GRXCR1: variants seen among roughly 807,000 people sequenced by gnomAD.
GRXCR1 encodes the protein glutaredoxin and cysteine rich domain containing 1.
Under a neutral mutation model 27.3 loss-of-function variants are expected in GRXCR1, and 27 were observed. The observed-to-expected ratio is 0.99, with a 90% CI of 0.73 to 1.37. The LOEUF (loss-of-function observed/expected upper bound fraction) is 1.37. Among genes scored for constraint, GRXCR1 ranks in the 40% most tolerant of loss-of-function variants. GRXCR1 has a pLI of 0.00. For synonymous variants in GRXCR1, 122 were observed against 131.1 expected (o/e 0.93, Z 0.47); for missense variants, 379 against 354.4 (o/e 1.07, Z -0.56).
At chr4:42,894,400 TG>T (rs1478757709) in intron 1 of GRXCR1, among the ~76,000 whole-genome samples, 17 of 152,298 alleles carry the variant, frequency 1.1e-4, no homozygotes, top group East Asian at 3.9e-4. Context: ...TAAAGTGATT[TG>T]TTTTTTTGTT....
chr4:42,938,010 G>T (rs899010638), intron 1 of GRXCR1, among the ~76,000 whole-genome samples: 1 of 151,988 alleles, frequency 6.6e-6, no homozygotes, highest in South Asian at 2.1e-4. Flanking sequence ...TCAAAAATTA[G>T]ATCTGATTCG....
chr4:43,020,588 C>A (rs1398164983), intron 3 of GRXCR1, among the ~76,000 whole-genome samples, 169 bp downstream of exon 3: 1 of 152,130 alleles, frequency 6.6e-6, no homozygotes, highest in Non-Finnish European at 1.5e-5. Flanking sequence ...TTTGTTGCAG[C>A]TAGAGTGACT....
rs375320559 is a variant in GRXCR1 at position 42,903,371 on chromosome 4, G to T, written c.384+9721G>T. On this transcript the variant is annotated intron_variant, in intron 1 of 3. Coordinates refer to ENST00000399770, the MANE Select transcript of GRXCR1 (RefSeq NM_001080476.3). ...CTCTCACCCAGGCTGGAGTGCAGTG[G>T]CATGATCTCGGCTCACTGCAAGCTC... 2.3e-5 allele frequency among the ~76,000 whole-genome samples: 3 copies of T among 128,988 alleles called. 1 individual carries two copies. The highest frequency in any genetic ancestry group is 3.2e-5 in the Non-Finnish European group (2 of 63,476). 84.6% of individuals were successfully genotyped at this position (128,988 alleles called of 152,430 possible).
At chr4:43,004,893 A>G (rs527966467) in intron 2 of GRXCR1, among the ~76,000 whole-genome samples, 2 of 152,150 alleles carry the variant, frequency 1.3e-5, no homozygotes, top group Non-Finnish European at 2.9e-5. Flanking sequence ...TAAGACTTTG[A>G]GGGACTGTTG....
At chr4:43,011,634 T>C (rs1340122358) in intron 2 of GRXCR1, among the ~76,000 whole-genome samples, 1 of 152,178 alleles carries the variant, frequency 6.6e-6, no homozygotes. Context: ...TCTTTGGGTA[T>C]GCACTCTGTT....
chr4:42,965,672 G>T (rs916776535), intron 2 of GRXCR1, among the ~76,000 whole-genome samples: 1 of 151,970 alleles, frequency 6.6e-6, no homozygotes, highest in Non-Finnish European at 1.5e-5. Context: ...ATTTAGATGG[G>T]TGAGAAAAAT....
At chr4:42,945,502 A>G (rs1014049129) in intron 1 of GRXCR1, among the ~76,000 whole-genome samples, 1 of 151,976 alleles carries the variant, frequency 6.6e-6, no homozygotes, top group Non-Finnish European at 1.5e-5. Context: ...CATGTCTGGC[A>G]TCTTCTATAC....
At chr4:43,009,584 A>T (rs1374735789) in intron 2 of GRXCR1, among the ~76,000 whole-genome samples, 1 of 152,154 alleles carries the variant, frequency 6.6e-6, no homozygotes, top group African/African-American at 2.4e-5. Context: ...GTCCAAGATC[A>T]AGGTACTGGA....
At chr4:42,938,804 G>A (rs2109761671) in intron 1 of GRXCR1, among the ~76,000 whole-genome samples, 1 of 151,654 alleles carries the variant, frequency 6.6e-6, no homozygotes, top group East Asian at 1.9e-4. Context: ...CTGAAAATGA[G>A]CTCACTGTAG....
intron 1 of GRXCR1, among the ~76,000 whole-genome samples, chr4:42,954,027 T>C (rs979323111): frequency 6.6e-6 from 1 of 152,092 alleles, no homozygotes; most frequent in African/African-American, 2.4e-5. Flanking sequence ...TGATTAAATG[T>C]ATGGAAAAGA....
At chr4:42,896,099 G>A (rs1312106202) in intron 1 of GRXCR1, among the ~76,000 whole-genome samples, 1 of 152,002 alleles carries the variant, frequency 6.6e-6, no homozygotes, top group Admixed American at 6.6e-5. Flanking sequence ...AACCTTAAAC[G>A]TGAAAGAAAA....
At chr4:43,008,376 G>T (rs993451002) in intron 2 of GRXCR1, among the ~76,000 whole-genome samples, 2 of 152,124 alleles carry the variant, frequency 1.3e-5, no homozygotes, top group African/African-American at 4.8e-5. Flanking sequence ...TTCATGAGAA[G>T]GGAAATAGGA....
Position 43,020,379 on chromosome 4 carries a change from A to G in GRXCR1, c.653A>G (p.Asn218Ser), listed in dbSNP as rs764299157. Residue 218 changes from asparagine (N) to serine (S), a missense_variant, in exon 3 of 4, where the codon AAT (asparagine) becomes AGT (serine). By Grantham distance (46) the Asn-to-Ser change is conservative. Transcript: ENST00000399770. ...LGGAEKILSM[N>S]ESGELQDILT... ...GGTGCTGAGAAAATTTTGTCAATGA[A>G]TGAATCAGGAGAACTGCAAGACATC... 7 of 1,612,262 alleles carry G rather than the reference A, an allele frequency of 4.3e-6. No individual in the cohort carries two copies. In the South Asian group the frequency reaches 6.6e-5, roughly 15 times the overall value.
intron 3 of GRXCR1, among the ~76,000 whole-genome samples, chr4:43,024,197 CTTTTTTTT>C (rs60704333): frequency 1.1e-5 from 1 of 94,264 alleles, no homozygotes; most frequent in Non-Finnish European, 2.0e-5. Flanking sequence ...ATTTTCTGTC[CTTTTTTTT>C]TTTTTTTTGG....
intron 1 of GRXCR1, among the ~76,000 whole-genome samples, chr4:42,961,059 T>C (rs1410260633): frequency 6.6e-6 from 1 of 151,826 alleles, no homozygotes; most frequent in Non-Finnish European, 1.5e-5. Context: ...GTCCACATCC[T>C]CTCTTTGTTC....
chr4:42,966,840 T>C (rs538974613), intron 2 of GRXCR1, among the ~76,000 whole-genome samples: 23 of 152,260 alleles, frequency 1.5e-4, no homozygotes, highest in Non-Finnish European at 1.2e-4. Context: ...CTGCATATCT[T>C]ATTTGGTTAG....
At chr4:42,971,672 A>G (rs769774881) in intron 2 of GRXCR1, among the ~76,000 whole-genome samples, 2 of 151,496 alleles carry the variant, frequency 1.3e-5, no homozygotes, top group Non-Finnish European at 2.9e-5. Context: ...TGATTCAATC[A>G]CCTCCCACCA....
At chr4:42,967,065 C>A (rs917682899) in intron 2 of GRXCR1, among the ~76,000 whole-genome samples, 5 of 151,970 alleles carry the variant, frequency 3.3e-5, no homozygotes, top group Admixed American at 3.3e-4. Context: ...ACTTTGTCAC[C>A]TTATGCATAA....
rs1746270287 is a variant in GRXCR1 at position 42,893,155 on chromosome 4, A to G, written c.-112A>G. The G allele has an allele frequency of 8.9e-7, 1 of 1,123,478 alleles. No individual in the cohort carries two copies. Among genetic ancestry groups the G allele is most frequent in the Non-Finnish European group, 1.4e-6 (1 of 736,768 alleles). The allele number at this position is 1,123,478 out of a possible 1,614,324, so 69.6% of individuals were successfully genotyped here. ...TCTTTCCTTTTGATGTTAGTTTCACAGGAGTGCTGCCATCACTAGAATTGG... is the reference window on the plus strand; with the variant it reads ...TCTTTCCTTTTGATGTTAGTTTCACGGGAGTGCTGCCATCACTAGAATTGG... On this transcript the variant is annotated 5_prime_UTR_variant, in exon 1 of 4. Coordinates refer to ENST00000399770, the MANE Select transcript of GRXCR1 (RefSeq NM_001080476.3).
Sources: gnomAD v4.1 joint callset for allele counts (sites outside exome capture counted in the v4.1 genomes callset) on GRCh38, gnomAD v4.1.1 for gene constraint, MANE v1.5 for transcripts, NCBI Gene and HGNC (gene_info 2026-07-23, HGNC 2026-07-21) for gene names.